Variants in ATP8B4 observed in about 807,000 individuals in gnomAD.
ATP8B4 encodes the protein probable phospholipid-transporting ATPase IM.
ATP8B4 carries 133 observed loss-of-function variants against 145.6 expected under a neutral mutation model. The observed-to-expected ratio is 0.91, with a 90% CI of 0.79 to 1.05. The LOEUF (loss-of-function observed/expected upper bound fraction) is 1.05. Ranked by LOEUF, ATP8B4 falls within the 50% of genes least tolerant of loss-of-function variation. The pLI is 0.00. For missense variants in ATP8B4, 1,458 were observed against 1,425.2 expected (o/e 1.02, Z -0.37); for synonymous variants, 507 against 492.9 (o/e 1.03, Z -0.38).
intron 6 of ATP8B4, among the ~76,000 whole-genome samples, chr15:50,022,231 T>C (rs2049636492): frequency 6.6e-6 from 1 of 152,172 alleles, no homozygotes; most frequent in Admixed American, 6.5e-5. Context: ...TTTTTCACAT[T>C]TTTAGTTGAT....
At chr15:50,050,236 C>A (rs1319005516) in intron 3 of ATP8B4, among the ~76,000 whole-genome samples, 1 of 152,196 alleles carries the variant, frequency 6.6e-6, no homozygotes, top group Non-Finnish European at 1.5e-5. Context: ...AACTGCAGAT[C>A]TAGCTCAACA....
At chr15:49,972,903 G>A in intron 12 of ATP8B4, 113 bp from the exon 13 acceptor site, 2 of 992,466 alleles carry the variant, frequency 2.0e-6, no homozygotes, top group Non-Finnish European at 2.9e-6. Flanking sequence ...AGAGGAAAAT[G>A]TGGATGCTCT....
chr15:49,873,545 G>C (rs137858330), intron 25 of ATP8B4, among the ~76,000 whole-genome samples: 165 of 152,164 alleles, frequency 1.1e-3, no homozygotes, highest in Middle Eastern at 3.4e-3. Flanking sequence ...TATATAATCC[G>C]ATTTCCATTT....
At chr15:50,090,058 T>C (rs1179179773) in intron 2 of ATP8B4, among the ~76,000 whole-genome samples, 2 of 152,168 alleles carry the variant, frequency 1.3e-5, no homozygotes, top group Non-Finnish European at 2.9e-5. Flanking sequence ...TCATGTCCTG[T>C]GCAGGGACAC....
intron 8 of ATP8B4, among the ~76,000 whole-genome samples, chr15:50,001,566 A>G (rs578060829): frequency 3.3e-5 from 5 of 152,348 alleles, no homozygotes; most frequent in Admixed American, 2.6e-4. Flanking sequence ...TCAGGATTAA[A>G]TGATAAATTC....
intron 6 of ATP8B4, among the ~76,000 whole-genome samples, chr15:50,036,129 G>A (rs2050819148): frequency 6.6e-6 from 1 of 152,184 alleles, no homozygotes; most frequent in African/African-American, 2.4e-5. Context: ...TGCTTCCCTG[G>A]AAGCAGATCC....
intron 1 of ATP8B4, among the ~76,000 whole-genome samples, chr15:50,162,807 CTT>C (rs1275247724): frequency 1.3e-5 from 2 of 152,132 alleles, no homozygotes; most frequent in Non-Finnish European, 2.9e-5. Flanking sequence ...CGCCCGGCCT[CTT>C]TTTTGTTTTT....
chr15:50,130,910 G>T (rs888942089), intron 1 of ATP8B4, among the ~76,000 whole-genome samples: 2 of 152,120 alleles, frequency 1.3e-5, no homozygotes, highest in Non-Finnish European at 2.9e-5. Flanking sequence ...CCCAAGACTG[G>T]GTAATTTATA....
At chr15:49,918,387 C>A (rs1310692151) in intron 19 of ATP8B4, among the ~76,000 whole-genome samples, 1 of 152,142 alleles carries the variant, frequency 6.6e-6, no homozygotes, top group Non-Finnish European at 1.5e-5. Context: ...TTTCCCTGAG[C>A]TTCTTCAAAG....
Position 49,951,056 on chromosome 15 carries a change from A to G in ATP8B4, c.1287+10921T>C, listed in dbSNP as rs185052885. On this transcript the variant is annotated intron_variant, in intron 14 of 27. Transcript: ENST00000284509. ...TCTAATTTAATTGCACTGTGGTCTG[A>G]GAGACTGTTTTTTTGTGATTTCAGT... Among the ~76,000 whole-genome samples the G allele has an allele frequency of 2.0e-3, 287 of 143,144 alleles. 1 individual carries two copies. Among genetic ancestry groups the G allele is most frequent in the African/African-American group, 6.6e-3 (274 of 41,258 alleles). 93.9% of individuals were successfully genotyped at this position (143,144 alleles called of 152,430 possible).
intron 16 of ATP8B4, 142 bp from the exon 17 acceptor site, chr15:49,923,636 G>A (rs1449735911): frequency 3.1e-5 from 17 of 553,592 alleles, no homozygotes; most frequent in Non-Finnish European, 4.7e-5. Flanking sequence ...CTTTGGTTAG[G>A]TCATTACCTA....
At chr15:50,082,672 T>A (rs1008622740) in intron 2 of ATP8B4, among the ~76,000 whole-genome samples, 12 of 152,248 alleles carry the variant, frequency 7.9e-5, no homozygotes, top group African/African-American at 2.4e-4. Context: ...AATATCCATA[T>A]AAACCCTCAG....
At chr15:50,077,713 G>C (rs1278978891) in intron 2 of ATP8B4, among the ~76,000 whole-genome samples, 1 of 152,114 alleles carries the variant, frequency 6.6e-6, no homozygotes, top group Non-Finnish European at 1.5e-5. Flanking sequence ...GAACCAGTTG[G>C]GATCTCCCAC....
intron 2 of ATP8B4, among the ~76,000 whole-genome samples, chr15:50,080,186 GC>G (rs2054454109): frequency 6.6e-6 from 1 of 152,154 alleles, no homozygotes; most frequent in Non-Finnish European, 1.5e-5. Flanking sequence ...ATAATTTGAT[GC>G]CTTCCTCAAC....
intron 6 of ATP8B4, among the ~76,000 whole-genome samples, chr15:50,026,337 G>A (rs1027174934): frequency 1.3e-5 from 2 of 152,128 alleles, no homozygotes; most frequent in Non-Finnish European, 1.5e-5. Flanking sequence ...ATGTACATGA[G>A]AATCCCATGA....
chr15:50,123,782 T>C (rs957380889), upstream of ATP8B4, among the ~76,000 whole-genome samples: 2 of 152,170 alleles, frequency 1.3e-5, no homozygotes, highest in Admixed American at 6.6e-5. Flanking sequence ...TATGAGACCT[T>C]TGAATTCTGA....
At chr15:49,907,872 G>C (rs1040698655) in intron 20 of ATP8B4, among the ~76,000 whole-genome samples, 1 of 152,132 alleles carries the variant, frequency 6.6e-6, no homozygotes, top group Admixed American at 6.5e-5. Flanking sequence ...ATTTACTCAA[G>C]TGAAGCAGTA....
intron 16 of ATP8B4, 108 bp from the exon 17 acceptor site, chr15:49,923,602 A>G: frequency 1.5e-6 from 1 of 686,750 alleles, no homozygotes. Context: ...ATAATGTTTT[A>G]GCCAGTAGTA....
At chr15:50,087,320 T>A (rs1476742692) in intron 2 of ATP8B4, among the ~76,000 whole-genome samples, 5 of 71,688 alleles carry the variant, frequency 7.0e-5, no homozygotes, top group African/African-American at 1.3e-4. Context: ...ATAATAGATA[T>A]AGATCTATAT....
Sources: allele counts gnomAD v4.1 joint callset (sites outside exome capture counted in the v4.1 genomes callset), GRCh38; gene constraint gnomAD v4.1.1; transcripts MANE v1.5; gene names NCBI Gene and HGNC (gene_info 2026-07-23, HGNC 2026-07-21).